Variants in VKORC1L1 observed in about 807,000 individuals in gnomAD.
VKORC1L1 encodes the protein vitamin K epoxide reductase complex subunit 1-like protein 1.
A neutral mutation model predicts 18.9 loss-of-function variants in VKORC1L1; 2 were observed. That is an observed-to-expected ratio of 0.11 (90% CI 0.04 to 0.33). VKORC1L1 has a LOEUF of 0.33. VKORC1L1 is among the 10% of genes least tolerant of loss of function. VKORC1L1 has a pLI of 1.00. For missense variants in VKORC1L1, 123 were observed against 224.1 expected (o/e 0.55, Z 2.88); for synonymous variants, 96 against 100.0 (o/e 0.96, Z 0.24).
intron 1 of VKORC1L1, among the ~76,000 whole-genome samples, chr7:65,881,575 G>A: frequency 6.6e-6 from 1 of 152,122 alleles, no homozygotes. Flanking sequence ...TCTCAGGTGT[G>A]ATTATACAAA....
chr7:65,899,929 G>A (rs1327145918), intron 1 of VKORC1L1, among the ~76,000 whole-genome samples: 10 of 151,486 alleles, frequency 6.6e-5, no homozygotes, highest in Non-Finnish European at 1.3e-4. Context: ...GAACTCAGGC[G>A]GCAGAGGTTG....
In VKORC1L1 at chr7:65,958,330, A is replaced by G. The variant is rs1176450280; in HGVS notation, c.*4030A>G. ...CTGTGTAGTATGTTCCATCAGAAAT[A>G]TTTCTTACTAGTGCTTTAAGCTCCA... is the stretch of plus-strand genomic sequence containing the variant. On this transcript the variant is annotated 3_prime_UTR_variant, in exon 3 of 3. Transcript: ENST00000360768. 6.6e-6 allele frequency: 1 copy of G among 152,226 alleles called. No individual in the cohort carries two copies. The highest frequency in any genetic ancestry group is 2.4e-5 in the African/African-American group (1 of 41,458). 9.4% of individuals were successfully genotyped at this position (152,226 alleles called of 1,614,324 possible).
At chr7:65,901,104 T>G (rs1202156269) in intron 1 of VKORC1L1, among the ~76,000 whole-genome samples, 1 of 152,216 alleles carries the variant, frequency 6.6e-6, no homozygotes, top group East Asian at 1.9e-4. Flanking sequence ...ATTAAGAGTT[T>G]AGTGTCAAAC....
chr7:65,869,667 T>A (rs1418354315), upstream of VKORC1L1, among the ~76,000 whole-genome samples: 62 of 139,348 alleles, frequency 4.4e-4, no homozygotes, highest in East Asian at 8.5e-3. Flanking sequence ...TTTTTTTTTT[T>A]AGAGACAGGG....
chr7:65,910,072 G>A (rs563769293), intron 1 of VKORC1L1, among the ~76,000 whole-genome samples: 7 of 151,948 alleles, frequency 4.6e-5, no homozygotes, highest in South Asian at 2.1e-4. Context: ...TTCCTTCCTC[G>A]TAAGGAAGTA....
intron 1 of VKORC1L1, among the ~76,000 whole-genome samples, chr7:65,934,856 C>T (rs1789914773): frequency 6.6e-6 from 1 of 151,972 alleles, no homozygotes; most frequent in Non-Finnish European, 1.5e-5. Context: ...AGTTCGAGAC[C>T]AGCCTTGCCA....
chr7:65,877,435 C>T (rs1030095283), intron 1 of VKORC1L1, among the ~76,000 whole-genome samples: 21 of 151,922 alleles, frequency 1.4e-4, no homozygotes, highest in African/African-American at 5.1e-4. Flanking sequence ...GCAACCTCCA[C>T]CTCCCGGGTT....
intron 1 of VKORC1L1, among the ~76,000 whole-genome samples, chr7:65,933,958 G>A (rs1379193803): frequency 1.3e-5 from 2 of 151,818 alleles, no homozygotes; most frequent in Non-Finnish European, 2.9e-5. Flanking sequence ...ATCCTCCCCC[G>A]CCTTATGTTA....
intron 1 of VKORC1L1, among the ~76,000 whole-genome samples, chr7:65,947,817 A>G (rs1469666725): frequency 1.3e-5 from 2 of 151,894 alleles, no homozygotes; most frequent in African/African-American, 2.4e-5. Flanking sequence ...TAGTCTCCCA[A>G]CTAGCTGGGA....
intron 1 of VKORC1L1, among the ~76,000 whole-genome samples, chr7:65,885,940 T>C (rs1313033216): frequency 9.2e-5 from 14 of 152,242 alleles, no homozygotes; most frequent in Admixed American, 5.2e-4. Flanking sequence ...GCTAAATTTA[T>C]AGACGAATAT....
chr7:65,953,497 G>A (rs929721982), intron 2 of VKORC1L1, among the ~76,000 whole-genome samples: 1 of 152,216 alleles, frequency 6.6e-6, no homozygotes, highest in Non-Finnish European at 1.5e-5. Flanking sequence ...ATGTGATTGT[G>A]AGATTGCATG....
chr7:65,953,833 C>G (rs1334452171), intron 2 of VKORC1L1, among the ~76,000 whole-genome samples: 1 of 152,180 alleles, frequency 6.6e-6, no homozygotes, highest in Non-Finnish European at 1.5e-5. Flanking sequence ...CCACTGCACT[C>G]CAGCCTGGGC....
chr7:65,951,008 G>A lies in VKORC1L1; in HGVS notation c.304+2228G>A, dbSNP rs982714943. Reference sequence around the variant, plus strand: ...ACTAGATTAACTCTTGAAGATAGAGGTGTGACAGCCAAATTTTTGTTTTAC... The same window carrying A: ...ACTAGATTAACTCTTGAAGATAGAGATGTGACAGCCAAATTTTTGTTTTAC... On this transcript the variant is annotated intron_variant, in intron 2 of 2. Coordinates refer to ENST00000360768, the MANE Select transcript of VKORC1L1 (RefSeq NM_173517.6). Among the ~76,000 whole-genome samples the A allele has an allele frequency of 3.3e-5, 5 of 152,174 alleles. No individual in the cohort carries two copies. The South Asian group carries it at 8.3e-4, about 25-fold the overall frequency.
intron 1 of VKORC1L1, among the ~76,000 whole-genome samples, chr7:65,903,311 C>T (rs989364522): frequency 1.3e-5 from 2 of 151,612 alleles, no homozygotes; most frequent in South Asian, 2.1e-4. Context: ...TGATTACAGG[C>T]GCATGCCACC....
chr7:65,936,450 G>A (rs948745089), intron 1 of VKORC1L1, among the ~76,000 whole-genome samples: 7 of 152,154 alleles, frequency 4.6e-5, no homozygotes, highest in African/African-American at 1.4e-4. Context: ...GTTTTAACAG[G>A]CAATCCAGTT....
chr7:65,916,333 A>G (rs1034872401), intron 1 of VKORC1L1, among the ~76,000 whole-genome samples: 6 of 152,018 alleles, frequency 3.9e-5, no homozygotes, highest in African/African-American at 1.4e-4. Context: ...ATGTGCTTCA[A>G]TCCATTGTGG....
At chr7:65,926,491 T>C (rs1789767655) in intron 1 of VKORC1L1, among the ~76,000 whole-genome samples, 1 of 152,160 alleles carries the variant, frequency 6.6e-6, no homozygotes, top group South Asian at 2.1e-4. Context: ...ACTTACATAC[T>C]GCTGGTGAGA....
chr7:65,885,787 A>G (rs1383850305), intron 1 of VKORC1L1, among the ~76,000 whole-genome samples: 1 of 152,082 alleles, frequency 6.6e-6, no homozygotes, highest in Non-Finnish European at 1.5e-5. Flanking sequence ...GGCTTTTTAT[A>G]GAAGTTTGAT....
chr7:65,897,308 C>T (rs541512765), intron 1 of VKORC1L1, among the ~76,000 whole-genome samples: 4 of 152,182 alleles, frequency 2.6e-5, no homozygotes, highest in Admixed American at 6.5e-5. Context: ...TAAAAATACC[C>T]GATTAACATG....
Sources: allele counts gnomAD v4.1 joint callset (sites outside exome capture counted in the v4.1 genomes callset), GRCh38; gene constraint gnomAD v4.1.1; transcripts MANE v1.5; gene names NCBI Gene and HGNC (gene_info 2026-07-23, HGNC 2026-07-21).